PCDHGB6: variants seen among roughly 807,000 people sequenced by gnomAD.
PCDHGB6 encodes protocadherin gamma-B6.
In PCDHGB6, 51 loss-of-function variants were observed where a neutral mutation model predicts 59.1. The observed-to-expected ratio is 0.86, with a 90% CI of 0.69 to 1.09. The LOEUF is 1.09. PCDHGB6 is among the 50% of genes least tolerant of loss of function. The pLI is 0.00. For missense variants in PCDHGB6, 1,148 were observed against 1,205.1 expected, an observed-to-expected ratio of 0.95 and a Z score of 0.70; for synonymous variants, 466 against 495.1, an observed-to-expected ratio of 0.94 and a Z score of 0.78.
chr5:141,415,905 C>T (rs1278855649), intron 1 of PCDHGB6: 5 of 801,160 alleles, frequency 6.2e-6, no homozygotes, highest in Non-Finnish European at 8.6e-6. Context: ...GACAGACTTC[C>T]ATACAGAAGT....
At chr5:141,427,929 T>A in intron 1 of PCDHGB6, 1 of 1,582,776 alleles carries the variant, frequency 6.3e-7, no homozygotes, top group South Asian at 1.1e-5. Flanking sequence ...CCGGCGCATG[T>A]TGGTGGGCGA....
chr5:141,494,985 C>A, intron 2 of PCDHGB6, 120 bp downstream of exon 2: 1 of 1,559,680 alleles, frequency 6.4e-7, no homozygotes. Context: ...AGTTTGAGAT[C>A]CCAGGGAGGT....
chr5:141,428,794 T>C (rs2097161574), intron 1 of PCDHGB6: 1 of 152,852 alleles, frequency 6.5e-6, no homozygotes, highest in African/African-American at 2.4e-5. Context: ...CCTTTCTGTG[T>C]GGGCCAGTAA....
intron 3 of PCDHGB6, among the ~76,000 whole-genome samples, chr5:141,509,109 G>A (rs893509101): frequency 5.3e-5 from 8 of 152,240 alleles, no homozygotes; most frequent in African/African-American, 1.9e-4. Flanking sequence ...AAACCTGAGC[G>A]CTGGTGCGTG....
intron 1 of PCDHGB6, chr5:141,417,045 A>G (rs890407837): frequency 7.2e-5 from 11 of 152,144 alleles, no homozygotes; most frequent in Admixed American, 1.3e-4. Context: ...TTTTAAAAAA[A>G]ACTGCTCTTG....
intron 1 of PCDHGB6, chr5:141,417,772 C>G: frequency 6.9e-7 from 1 of 1,456,320 alleles, no homozygotes; most frequent in East Asian, 2.5e-5. Context: ...GGGACTCCTC[C>G]TGTCCTGGGC....
At position 141,476,002 on chromosome 5, in the gene PCDHGB6, C is replaced by A; in HGVS notation, c.2419-18805C>A. 1 of 1,247,396 alleles carries A rather than the reference C, an allele frequency of 8.0e-7. No individual in the cohort carries two copies. Among genetic ancestry groups the A allele is most frequent in the Non-Finnish European group, 1.1e-6 (1 of 904,880 alleles). 77.3% of individuals were successfully genotyped at this position (1,247,396 alleles called of 1,614,324 possible). ...AGCCGGCGAGCAAATCAACGGCATC[C>A]AGAAAGCCATGTCGGACTCGGCGCC... On this transcript the variant is annotated intron_variant, in intron 1 of 3. Transcript: ENST00000520790. This position sits in a 1 kb window ranked among gnomAD's most constrained non-coding sequence, Gnocchi z 7.6.
intron 1 of PCDHGB6, among the ~76,000 whole-genome samples, chr5:141,438,019 G>A (rs1031334687): frequency 1.3e-5 from 2 of 152,104 alleles, no homozygotes; most frequent in Non-Finnish European, 2.9e-5. Context: ...GAGATTACAG[G>A]TGTGAGCCAC....
At chr5:141,419,204 G>A (rs1291977951) in intron 1 of PCDHGB6, 1 of 1,613,798 alleles carries the variant, frequency 6.2e-7, no homozygotes, top group Non-Finnish European at 8.5e-7. Flanking sequence ...CAATGACAAC[G>A]CGCCGGTTTT....
At chr5:141,484,931 A>ACGTT (rs1464416110) in intron 1 of PCDHGB6, 2 of 498,000 alleles carry the variant, frequency 4.0e-6, no homozygotes, top group Non-Finnish European at 7.2e-6. Flanking sequence ...TGCTGTTGGG[A>ACGTT]CGTTCTCTGC....
chr5:141,491,742 C>T lies in PCDHGB6; in HGVS notation c.2419-3065C>T. On this transcript the variant is annotated intron_variant, in intron 1 of 3. Transcript: ENST00000520790. This position sits in a 1 kb window ranked among gnomAD's most constrained non-coding sequence, Gnocchi z 6.9. ...CGCCCCGGGCGACCCCTGGGGGCGG[C>T]ACTGGAGAAGCCGCCCGTCCTCATA... 6.3e-7 allele frequency: 1 copy of T among 1,596,114 alleles called. No individual in the cohort carries two copies. Among genetic ancestry groups the T allele is most frequent in the African/African-American group, 1.3e-5 (1 of 74,260 alleles).
In PCDHGB6 at chr5:141,486,143, G is replaced by T; in HGVS notation, c.2419-8664G>T. On this transcript the variant is annotated intron_variant, in intron 1 of 3. Coordinates refer to ENST00000520790, the MANE Select transcript of PCDHGB6 (RefSeq NM_018926.3). This position sits in a 1 kb window ranked among gnomAD's most constrained non-coding sequence, Gnocchi z 5.0. ...CTATGAATTTGATGTGCGGGCTCGC[G>T]ATGGGGGTTCTCCAGCCATGGAGCA... 6.2e-7 allele frequency: 1 copy of T among 1,614,198 alleles called. No homozygotes were observed. Among genetic ancestry groups the T allele is most frequent in the Non-Finnish European group, 8.5e-7 (1 of 1,180,030 alleles).
At chr5:141,434,693 T>C (rs2097710124) in intron 1 of PCDHGB6, among the ~76,000 whole-genome samples, 1 of 152,034 alleles carries the variant, frequency 6.6e-6, no homozygotes, top group Non-Finnish European at 1.5e-5. Context: ...TTGCTGTTAA[T>C]AAATATGTGG....
In PCDHGB6 at chr5:141,413,182, G is replaced by C. The variant is rs752788034; in HGVS notation, c.2418+2562G>C. On this transcript the variant is annotated intron_variant, in intron 1 of 3. Transcript: ENST00000520790. ...ATTCTGTAACCAGACTACAATGGCCGCTCAAAGGAATCGCTCAAAGGAATC... is the reference window on the plus strand; with the variant it reads ...ATTCTGTAACCAGACTACAATGGCCCCTCAAAGGAATCGCTCAAAGGAATC... 3.1e-6 allele frequency: 5 copies of C among 1,604,164 alleles called. No homozygotes were observed. In the South Asian group the frequency reaches 5.5e-5, roughly 18 times the overall value.
chr5:141,487,467 T>C lies in PCDHGB6; in HGVS notation c.2419-7340T>C. ...GATGACCCTATCAAGTTTGTTGATG[T>C]GGGAGGCCACTCTCATGGCTGTACA... On this transcript the variant is annotated intron_variant, in intron 1 of 3. Transcript: ENST00000520790. The surrounding 1 kb of genome is among the most constrained non-coding windows in gnomAD (Gnocchi z 5.0). 6.2e-7 allele frequency: 1 copy of C among 1,614,186 alleles called. No individual in the cohort carries two copies. The highest frequency in any genetic ancestry group is 8.5e-7 in the Non-Finnish European group (1 of 1,180,026).
Position 141,437,685 on chromosome 5 carries a change from G to A in PCDHGB6, c.2418+27065G>A, listed in dbSNP as rs116699614. ...GAAGAGATGTTGATCAAACTGATGA[G>A]GCTAAATCTCAAGAAAGAGACACAG... On this transcript the variant is annotated intron_variant, in intron 1 of 3. Coordinates refer to ENST00000520790, the MANE Select transcript of PCDHGB6 (RefSeq NM_018926.3). Among the ~76,000 whole-genome samples the A allele has an allele frequency of 1.0e-2, 1,519 of 151,976 alleles. 34 individuals carry two copies. The highest frequency in any genetic ancestry group is 0.034 in the African/African-American group (1,425 of 41,440).
At position 141,512,523 on chromosome 5, in the gene PCDHGB6, T is replaced by A. The variant is rs1222752176; in HGVS notation, c.*1350T>A. 6.5e-6 allele frequency: 1 copy of A among 152,848 alleles called. No homozygotes were observed. The highest frequency in any genetic ancestry group is 1.5e-5 in the Non-Finnish European group (1 of 68,240). 9.5% of individuals were successfully genotyped at this position (152,848 alleles called of 1,614,324 possible). A position where few individuals can be genotyped will look rare whatever the true frequency, so the allele number is the denominator to read the frequency against. The stretch of plus-strand genomic sequence containing the variant: ...AGTGCGCCCCCTAGTGGCCATAGCC[T>A]GGTTAAAGTTCCCCAGTGCCTCCTT... On this transcript the variant is annotated 3_prime_UTR_variant, in exon 4 of 4. Transcript: ENST00000520790.
At chr5:141,478,256 A>G in intron 1 of PCDHGB6, 6 of 1,614,126 alleles carry the variant, frequency 3.7e-6, no homozygotes, top group Non-Finnish European at 5.1e-6. Flanking sequence ...CGGAGTAATC[A>G]TATTCAAAGT....
Position 141,476,279 on chromosome 5 carries a change from G to T in PCDHGB6, c.2419-18528G>T. The T allele has an allele frequency of 6.2e-7, 1 of 1,614,148 alleles. No individual in the cohort carries two copies. Among genetic ancestry groups the T allele is most frequent in the Non-Finnish European group, 8.5e-7 (1 of 1,180,024 alleles). On this transcript the variant is annotated intron_variant, in intron 1 of 3. Coordinates refer to ENST00000520790, the MANE Select transcript of PCDHGB6 (RefSeq NM_018926.3). This position sits in a 1 kb window ranked among gnomAD's most constrained non-coding sequence, Gnocchi z 7.6. ...TGTGGGCAACGTGGTCGCGAACCTT[G>T]GTTTGGATCTCGGTAGCCTCTCAGC...
Sources: gnomAD v4.1 joint callset for allele counts (sites outside exome capture counted in the v4.1 genomes callset) on GRCh38, gnomAD v4.1.1 for gene constraint, Gnocchi (gnomAD v3.1) non-coding constraint, MANE v1.5 for transcripts, NCBI Gene and HGNC (gene_info 2026-07-23, HGNC 2026-07-21) for gene names.